The following OSBPL9 variants were observed in gnomAD, a reference collection of about 807,000 sequenced individuals.
OSBPL9 encodes the protein oxysterol-binding protein-related protein 9.
OSBPL9 carries 40 observed loss-of-function variants against 106.6 expected under a neutral mutation model. That is an observed-to-expected ratio of 0.38 (90% CI 0.29 to 0.49). The LOEUF (loss-of-function observed/expected upper bound fraction) is 0.49, where lower values mean the gene tolerates loss of function less well. Among genes scored for constraint, OSBPL9 ranks in the 20% least tolerant of loss-of-function variants. The pLI is 0.97. For synonymous variants in OSBPL9, 269 were observed against 295.4 expected (o/e 0.91, Z 0.92); for missense variants, 609 against 887.2 (o/e 0.69, Z 3.98).
At chr1:51,558,407 G>A in the OSBPL9 span, among the ~76,000 whole-genome samples, 2 of 152,110 alleles carry the variant, frequency 1.3e-5, no homozygotes, top group African/African-American at 2.4e-5. Flanking sequence ...TGCAGCCAGA[G>A]GCCACCTCCC....
the OSBPL9 span, among the ~76,000 whole-genome samples, chr1:51,530,170 CA>C: frequency 8.3e-3 from 92 of 11,028 alleles, no homozygotes; most frequent in Non-Finnish European, 0.011. Context: ...GACTCTGTCT[CA>C]AAAAAAAAAA....
intron 4 of OSBPL9, among the ~76,000 whole-genome samples, chr1:51,723,634 A>G (rs1662558031): frequency 6.6e-6 from 1 of 151,672 alleles, no homozygotes; most frequent in South Asian, 2.1e-4. Context: ...GCAGCCTTGA[A>G]TTCCTGGGCT....
At chr1:51,765,334 G>A (rs999489746) in intron 11 of OSBPL9, among the ~76,000 whole-genome samples, 20 of 152,202 alleles carry the variant, frequency 1.3e-4, no homozygotes, top group African/African-American at 4.3e-4. Context: ...TATTTTCCAT[G>A]TGATTGCCAA....
intron 1 of OSBPL9, among the ~76,000 whole-genome samples, chr1:51,578,428 T>C (rs940867048): frequency 1.3e-5 from 2 of 152,178 alleles, no homozygotes; most frequent in Non-Finnish European, 2.9e-5. Flanking sequence ...GAGAATAATA[T>C]CATATGATTA....
intron 8 of OSBPL9, among the ~76,000 whole-genome samples, chr1:51,755,327 T>C (rs1670098684): frequency 6.6e-6 from 1 of 152,190 alleles, no homozygotes; most frequent in South Asian, 2.1e-4. Context: ...TAATCTAATT[T>C]TAGCATACTT....
At chr1:51,724,495 A>G (rs1163076373) in intron 4 of OSBPL9, among the ~76,000 whole-genome samples, 1 of 152,012 alleles carries the variant, frequency 6.6e-6, no homozygotes, top group Non-Finnish European at 1.5e-5. Flanking sequence ...CATGTTGGCC[A>G]GGCTGGTCTC....
chr1:51,708,057 A>G (rs754699620), intron 3 of OSBPL9: 8 of 222,726 alleles, frequency 3.6e-5, no homozygotes, highest in Non-Finnish European at 7.5e-5. Context: ...TGATGACAAC[A>G]ATACCTGCTT....
chr1:51,558,285 G>GAA, the OSBPL9 span, among the ~76,000 whole-genome samples: 1,786 of 147,890 alleles, frequency 0.012, 31 homozygotes, highest in African/African-American at 0.042. Context: ...GTCTCAAAAA[G>GAA]AAAAAAAAAA....
the OSBPL9 span, among the ~76,000 whole-genome samples, chr1:51,554,401 TAA>T: frequency 1.3e-5 from 2 of 152,116 alleles, no homozygotes; most frequent in Non-Finnish European, 2.9e-5. Context: ...AAGAAAAATA[TAA>T]GAGACTCATA....
At position 51,772,060 on chromosome 1, in the gene OSBPL9, G is replaced by A; in HGVS notation, c.939-10G>A. On this transcript the variant is annotated splice_polypyrimidine_tract_variant and intron_variant, in intron 12 of 23. Coordinates refer to ENST00000428468, the MANE Select transcript of OSBPL9 (RefSeq NM_024586.6). Reference sequence around the variant, plus strand: ...CTTTAGCTTAAATAAGGTAATTAATGTTTTTATAGTTCTTCTGGATCTGCC... The same window carrying A: ...CTTTAGCTTAAATAAGGTAATTAATATTTTTATAGTTCTTCTGGATCTGCC... The A allele has an allele frequency of 6.2e-7, 1 of 1,600,648 alleles. No individual in the cohort carries two copies. The highest frequency in any genetic ancestry group is 8.5e-7 in the Non-Finnish European group (1 of 1,171,604).
rs531681124 is a variant in OSBPL9, at chr1:51,729,797, G to T, written c.318+15718G>T. 1.1e-4 allele frequency: 133 copies of T among 1,235,776 alleles called. No individual in the cohort carries two copies. The East Asian group carries it at 4.2e-3, about 39-fold the overall frequency. The allele number at this position is 1,235,776 out of a possible 1,614,324, so 76.6% of individuals were successfully genotyped here. A position where few individuals can be genotyped will look rare whatever the true frequency, so the allele number is the denominator to read the frequency against. Reference sequence around the variant, plus strand: ...GCGACCCCTCCGCCGGGGAGGGGACGGGAAAGGGGTGGGGGGTGAAGGGGG... The same window carrying T: ...GCGACCCCTCCGCCGGGGAGGGGACTGGAAAGGGGTGGGGGGTGAAGGGGG... On this transcript the variant is annotated intron_variant, in intron 4 of 23. Transcript: ENST00000428468. The surrounding 1 kb of genome is among the most constrained non-coding windows in gnomAD (Gnocchi z 5.1).
chr1:51,740,797 T>G (rs1216101369), intron 4 of OSBPL9, among the ~76,000 whole-genome samples: 1 of 152,204 alleles, frequency 6.6e-6, no homozygotes, highest in East Asian at 1.9e-4. Context: ...CCCATAGGTT[T>G]CTTAATTTCC....
At chr1:51,745,330 A>T in intron 4 of OSBPL9, 1 of 604,996 alleles carries the variant, frequency 1.7e-6, no homozygotes, top group Non-Finnish European at 2.6e-6. Flanking sequence ...ACTGCTGAGA[A>T]GGGAAGCAGT....
At chr1:51,756,061 G>A (rs1670273222) in intron 8 of OSBPL9, among the ~76,000 whole-genome samples, 1 of 152,184 alleles carries the variant, frequency 6.6e-6, no homozygotes, top group Admixed American at 6.5e-5. Context: ...AGTTCTACAG[G>A]ATATTTCCAC....
chr1:51,725,710 A>C (rs1662993326), intron 4 of OSBPL9, among the ~76,000 whole-genome samples: 1 of 152,214 alleles, frequency 6.6e-6, no homozygotes, highest in Admixed American at 6.5e-5. Context: ...TTTCTCCTAC[A>C]AAGAAGCCTA....
intron 3 of OSBPL9, among the ~76,000 whole-genome samples, chr1:51,676,710 T>C (rs1208615606): frequency 8.6e-5 from 13 of 150,364 alleles, no homozygotes; most frequent in Non-Finnish European, 1.5e-5. Flanking sequence ...GATAATTATG[T>C]AAAGTGACAC....
the OSBPL9 span, among the ~76,000 whole-genome samples, chr1:51,537,890 A>G: frequency 6.6e-6 from 1 of 152,146 alleles, no homozygotes; most frequent in East Asian, 1.9e-4. Flanking sequence ...TTTAATTCCA[A>G]TTTAACACCA....
At chr1:51,760,932 A>G (rs1557823486) in intron 10 of OSBPL9, 152 bp downstream of exon 10, 3 of 833,672 alleles carry the variant, frequency 3.6e-6, no homozygotes, top group Non-Finnish European at 5.5e-6. Flanking sequence ...GTGAACTGAA[A>G]AAAGATGATA....
At chr1:51,731,193 T>C (rs557937562) in intron 4 of OSBPL9, among the ~76,000 whole-genome samples, 10 of 152,244 alleles carry the variant, frequency 6.6e-5, no homozygotes, top group East Asian at 3.9e-4. Flanking sequence ...CCCAACACTT[T>C]GGGAGGCTGA....
Sources: gnomAD v4.1 joint callset for allele counts (sites outside exome capture counted in the v4.1 genomes callset) on GRCh38, gnomAD v4.1.1 for gene constraint, Gnocchi (gnomAD v3.1) non-coding constraint, MANE v1.5 for transcripts, NCBI Gene and HGNC (gene_info 2026-07-23, HGNC 2026-07-21) for gene names.